Variants in CTDP1 observed in about 807,000 individuals in gnomAD.
The protein encoded by CTDP1 is CTD phosphatase 1.
CTDP1 carries 47 observed loss-of-function variants against 91.8 expected under a neutral mutation model. The ratio of observed to expected loss-of-function variants is 0.51; its 90% CI spans 0.41 to 0.65. The LOEUF is 0.65. Among genes scored for constraint, CTDP1 ranks in the 30% least tolerant of loss-of-function variants. The pLI, the probability that CTDP1 is intolerant of heterozygous loss-of-function variation, is 0.00. For synonymous variants in CTDP1, 656 were observed against 598.5 expected (o/e 1.10, Z -1.40); for missense variants, 1,272 against 1,373.7 (o/e 0.93, Z 1.17).
chr18:79,717,067 G>A (rs896414160), intron 8 of CTDP1, among the ~76,000 whole-genome samples: 39 of 145,794 alleles, frequency 2.7e-4, no homozygotes, highest in Admixed American at 4.1e-4. Flanking sequence ...GGGTACAGCC[G>A]GGTGAGGGCC....
intron 11 of CTDP1, among the ~76,000 whole-genome samples, chr18:79,735,288 G>A (rs183619401): frequency 6.6e-6 from 1 of 152,308 alleles, no homozygotes; most frequent in East Asian, 1.9e-4. Flanking sequence ...TGCACCCCCA[G>A]ATCCCTCCTG....
chr18:79,728,376 A>T (rs1186919955), intron 10 of CTDP1, among the ~76,000 whole-genome samples: 1 of 152,230 alleles, frequency 6.6e-6, no homozygotes, highest in Non-Finnish European at 1.5e-5. Context: ...CTGGCTTTAC[A>T]AGCATGAGCC....
chr18:79,733,207 C>T (rs2086599885), intron 11 of CTDP1, among the ~76,000 whole-genome samples: 1 of 152,156 alleles, frequency 6.6e-6, no homozygotes, highest in South Asian at 2.1e-4. Context: ...TGGATCCTCA[C>T]GCTGCGGCCT....
intron 10 of CTDP1, among the ~76,000 whole-genome samples, chr18:79,727,755 C>T (rs895139280): frequency 4.6e-5 from 7 of 152,102 alleles, no homozygotes; most frequent in Admixed American, 1.3e-4. Flanking sequence ...CTGTCCCGAG[C>T]GAGTTGGTAT....
intron 11 of CTDP1, 38 bp from the exon 12 acceptor site, chr18:79,736,317 G>T: frequency 6.5e-7 from 1 of 1,548,678 alleles, no homozygotes; most frequent in South Asian, 1.2e-5. Flanking sequence ...ACGGGGCCCG[G>T]GAAGGAGGTC....
chr18:79,735,650 C>T (rs1046060435), intron 11 of CTDP1: 42 of 153,354 alleles, frequency 2.7e-4, no homozygotes, highest in Middle Eastern at 3.4e-3. Context: ...CTCCCGCCGC[C>T]ACATCGAGGC....
intron 5 of CTDP1, among the ~76,000 whole-genome samples, chr18:79,707,048 C>T (rs929534869): frequency 2.6e-5 from 4 of 152,244 alleles, no homozygotes; most frequent in African/African-American, 7.2e-5. Flanking sequence ...ACACGTCTTG[C>T]TTATCCTTTC....
Position 79,713,242 on chromosome 18 carries a change from A to G in CTDP1, c.1030+104A>G, listed in dbSNP as rs1487613057. 8.4e-7 allele frequency: 1 copy of G among 1,183,446 alleles called. No individual in the cohort carries two copies. The highest frequency in any genetic ancestry group is 1.2e-6 in the Non-Finnish European group (1 of 821,042). The allele number at this position is 1,183,446 out of a possible 1,614,324, so 73.3% of individuals were successfully genotyped here. A position where few individuals can be genotyped will look rare whatever the true frequency, so the allele number is the denominator to read the frequency against. On this transcript the variant is annotated intron_variant, in intron 7 of 12. Coordinates refer to ENST00000613122, the MANE Select transcript of CTDP1 (RefSeq NM_004715.5). This position sits in a 1 kb window ranked among gnomAD's most constrained non-coding sequence, Gnocchi z 4.7. The stretch of plus-strand genomic sequence containing the variant: ...TTTGACTGCTATAAATTCAAGATAC[A>G]CTTTTTTTATTTGTGTTTCAGTAGA...
intron 12 of CTDP1, among the ~76,000 whole-genome samples, chr18:79,749,501 C>CACCACGCACTCCCGAG (rs1555686073): frequency 8.0e-5 from 12 of 150,172 alleles, no homozygotes; most frequent in South Asian, 2.1e-4. Flanking sequence ...GTGAGGGTCG[C>CACCACGCACTCCCGAG]GCCCCGTGCA....
At chr18:79,699,617 A>G (rs1199333525) in intron 4 of CTDP1, among the ~76,000 whole-genome samples, 1 of 151,862 alleles carries the variant, frequency 6.6e-6, no homozygotes, top group Non-Finnish European at 1.5e-5. Context: ...TGAAGGATGT[A>G]AGGACTTTAT....
At chr18:79,692,141 G>A (rs1249249867) in intron 1 of CTDP1, among the ~76,000 whole-genome samples, 3 of 149,120 alleles carry the variant, frequency 2.0e-5, no homozygotes, top group Non-Finnish European at 3.0e-5. Flanking sequence ...GGTGGACTCG[G>A]GGTGGGGAGG....
intron 1 of CTDP1, among the ~76,000 whole-genome samples, chr18:79,693,830 G>C (rs1291454716): frequency 2.7e-5 from 4 of 147,266 alleles, no homozygotes; most frequent in Non-Finnish European, 5.9e-5. Flanking sequence ...CCTGCAGGAT[G>C]CTGGCTACAG....
At chr18:79,714,175 G>C (rs957801385) in intron 7 of CTDP1, among the ~76,000 whole-genome samples, 1 of 152,200 alleles carries the variant, frequency 6.6e-6, no homozygotes, top group African/African-American at 2.4e-5. Context: ...AAAGCTTTTT[G>C]AGTGCCCACA....
intron 10 of CTDP1, among the ~76,000 whole-genome samples, chr18:79,725,080 G>A (rs766721290): frequency 4.6e-5 from 7 of 152,174 alleles, no homozygotes; most frequent in Non-Finnish European, 1.0e-4. Context: ...TTCTTCTTTT[G>A]CCTGTCAGTA....
chr18:79,753,606 T>G (rs1183087401), intron 12 of CTDP1, 46 bp from the exon 13 acceptor site: 2 of 1,613,834 alleles, frequency 1.2e-6, no homozygotes, highest in East Asian at 4.5e-5. Context: ...GACCCGGCGT[T>G]GTGCGTTTGC....
intron 10 of CTDP1, among the ~76,000 whole-genome samples, chr18:79,727,450 G>C (rs970922134): frequency 6.6e-6 from 1 of 151,960 alleles, no homozygotes; most frequent in Non-Finnish European, 1.5e-5. Context: ...TGGCATTCAC[G>C]GTGTTCGTGG....
At position 79,728,772 on chromosome 18, in the gene CTDP1, T is replaced by G. The variant is rs1217263937; in HGVS notation, c.2418-135T>G. On this transcript the variant is annotated intron_variant, in intron 10 of 12. Coordinates refer to ENST00000613122, the MANE Select transcript of CTDP1 (RefSeq NM_004715.5). Reference sequence around the variant, plus strand: ...CTCTGAAAAGTGTATTGGCGAAACATCACGTTTTTCATACGTGTTCCCTGT... The same window carrying G: ...CTCTGAAAAGTGTATTGGCGAAACAGCACGTTTTTCATACGTGTTCCCTGT... 8 of 633,370 alleles carry G rather than the reference T, an allele frequency of 1.3e-5. No homozygotes were observed. The African/African-American group carries it at 1.5e-4, about 12-fold the overall frequency. The allele number at this position is 633,370 out of a possible 1,614,324, so 39.2% of individuals were successfully genotyped here.
chr18:79,693,706 G>C (rs192427446), intron 1 of CTDP1, among the ~76,000 whole-genome samples: 205 of 152,242 alleles, frequency 1.3e-3, no homozygotes, highest in Admixed American at 5.0e-3. Context: ...GCCCCGCACC[G>C]TGTGTCCTCA....
chr18:79,709,146 A>G (rs146591864), intron 5 of CTDP1, among the ~76,000 whole-genome samples: 52 of 152,382 alleles, frequency 3.4e-4, no homozygotes, highest in African/African-American at 1.2e-3. Context: ...TGATGCCTCC[A>G]ACATATTTTA....
Sources: allele counts gnomAD v4.1 joint callset (sites outside exome capture counted in the v4.1 genomes callset), GRCh38; gene constraint gnomAD v4.1.1; non-coding constraint Gnocchi (gnomAD v3.1); transcripts MANE v1.5; gene names NCBI Gene and HGNC (gene_info 2026-07-23, HGNC 2026-07-21).